ZFHX3: variants seen among roughly 807,000 people sequenced by gnomAD.
ZFHX3 encodes the protein zinc finger homeobox protein 3.
A neutral mutation model predicts 279.1 loss-of-function variants in ZFHX3; 42 were observed. The ratio of observed to expected loss-of-function variants is 0.15; its 90% CI spans 0.12 to 0.19. ZFHX3 has a LOEUF of 0.19. ZFHX3 is among the 10% of genes least tolerant of loss of function. ZFHX3 has a pLI of 1.00. For synonymous variants in ZFHX3, 2,293 were observed against 1,957.8 expected (o/e 1.17, Z -4.52); for missense variants, 4,981 against 4,754.0 (o/e 1.05, Z -1.40).
chr16:73,486,190 C>G (rs1167760339), intron 2 of ZFHX3, among the ~76,000 whole-genome samples: 2 of 152,204 alleles, frequency 1.3e-5, no homozygotes, highest in Non-Finnish European at 2.9e-5. Flanking sequence ...TCAGCTATGA[C>G]AGGAAATATC....
At chr16:73,804,916 GAGGGAGAGGGAGGGAGGGAGA>G (rs1300126238) in intron 1 of ZFHX3, among the ~76,000 whole-genome samples, 3 of 115,822 alleles carry the variant, frequency 2.6e-5, no homozygotes, top group African/African-American at 8.0e-5. Flanking sequence ...GGAGGGAGGG[GAGGGAGAGGGAGGGAGGGAGA>G]GAGGGAGAGG....
At chr16:73,470,927 C>T (rs2018654651) in intron 2 of ZFHX3, among the ~76,000 whole-genome samples, 1 of 152,172 alleles carries the variant, frequency 6.6e-6, no homozygotes, top group Non-Finnish European at 1.5e-5. Flanking sequence ...CCTCAAAGAT[C>T]CATATTCTCA....
chr16:73,393,350 A>C (rs780503433), intron 3 of ZFHX3, among the ~76,000 whole-genome samples: 1 of 152,160 alleles, frequency 6.6e-6, no homozygotes, highest in Non-Finnish European at 1.5e-5. Flanking sequence ...GGCCCATGAC[A>C]TCCCCCATGA....
intron 3 of ZFHX3, among the ~76,000 whole-genome samples, chr16:73,389,885 C>A (rs907243034): frequency 2.6e-5 from 4 of 152,076 alleles, no homozygotes; most frequent in African/African-American, 7.2e-5. Context: ...CACAGTGAAA[C>A]CTCATCTCTA....
chr16:73,585,114 T>C (rs971630092), intron 2 of ZFHX3, among the ~76,000 whole-genome samples: 1 of 152,222 alleles, frequency 6.6e-6, no homozygotes, highest in Non-Finnish European at 1.5e-5. Flanking sequence ...GGATCACTTT[T>C]ACACTCTTGG....
At chr16:73,572,667 C>T (rs1042323657) in intron 2 of ZFHX3, among the ~76,000 whole-genome samples, 2 of 152,166 alleles carry the variant, frequency 1.3e-5, no homozygotes, top group African/African-American at 2.4e-5. Flanking sequence ...AATACCAAAC[C>T]AGAAGCTCGC....
At chr16:73,113,836 C>T (rs2144801457) in intron 7 of ZFHX3, among the ~76,000 whole-genome samples, 1 of 128,158 alleles carries the variant, frequency 7.8e-6, no homozygotes, top group South Asian at 2.5e-4. Flanking sequence ...GCTGTGTCAC[C>T]CAGGCTGGAG....
At chr16:73,295,654 G>A (rs1322986753) in intron 4 of ZFHX3, among the ~76,000 whole-genome samples, 1 of 152,206 alleles carries the variant, frequency 6.6e-6, no homozygotes, top group Non-Finnish European at 1.5e-5. Context: ...GGCACAGATG[G>A]GAAGCTGCTG....
chr16:73,781,816 G>A (rs970755093), intron 1 of ZFHX3, among the ~76,000 whole-genome samples: 3 of 152,040 alleles, frequency 2.0e-5, no homozygotes, highest in Non-Finnish European at 4.4e-5. Flanking sequence ...GTGAAACCCC[G>A]TCTCTACTAA....
chr16:73,810,860 C>A (rs533413734), intron 1 of ZFHX3, among the ~76,000 whole-genome samples: 290 of 152,228 alleles, frequency 1.9e-3, no homozygotes, highest in African/African-American at 6.5e-3. Context: ...TCTCCATGGT[C>A]TTCCAAAGCC....
At chr16:73,025,131 C>T (rs972854501) in intron 1 of ZFHX3, among the ~76,000 whole-genome samples, 2 of 152,176 alleles carry the variant, frequency 1.3e-5, no homozygotes, top group Non-Finnish European at 2.9e-5. Context: ...TCATTTAGCA[C>T]TTGTTGAAAG....
At chr16:73,176,830 G>A (rs547054418) in intron 5 of ZFHX3, among the ~76,000 whole-genome samples, 1 of 151,994 alleles carries the variant, frequency 6.6e-6, no homozygotes, top group East Asian at 1.9e-4. Flanking sequence ...ATGCAATGAT[G>A]TAATAATGAG....
At chr16:73,167,873 T>C (rs1415432359) in intron 5 of ZFHX3, among the ~76,000 whole-genome samples, 1 of 152,220 alleles carries the variant, frequency 6.6e-6, no homozygotes, top group African/African-American at 2.4e-5. Flanking sequence ...TCATCCCCAG[T>C]CTAATGTGAA....
chr16:73,385,504 C>T (rs2016885249), intron 3 of ZFHX3, among the ~76,000 whole-genome samples: 1 of 152,146 alleles, frequency 6.6e-6, no homozygotes, highest in Admixed American at 6.5e-5. Flanking sequence ...GCAACCAGCT[C>T]ATGTCAAAAC....
At chr16:73,040,817 A>C (rs1770667938) in intron 1 of ZFHX3, among the ~76,000 whole-genome samples, 1 of 152,224 alleles carries the variant, frequency 6.6e-6, no homozygotes, top group Non-Finnish European at 1.5e-5. Context: ...AGTGGTATGA[A>C]GCCCTGATTC....
chr16:73,016,683 T>C (rs142269668), intron 1 of ZFHX3, among the ~76,000 whole-genome samples: 17 of 152,096 alleles, frequency 1.1e-4, no homozygotes, highest in African/African-American at 3.6e-4. Flanking sequence ...TACACCAGAG[T>C]TGACTCCAGT....
Position 72,958,347 on chromosome 16 carries a change from G to A in ZFHX3, c.1799C>T (p.Ala600Val), listed in dbSNP as rs2144441572. The change falls in exon 2 of 10, where the codon GCC becomes GTC. Residue 600 changes from alanine to valine, a missense_variant. Coordinates refer to ENST00000268489, the MANE Select transcript of ZFHX3 (RefSeq NM_006885.4). ...FADESANKDN[A>V]TAPEPNESTE... ...GCTTTCATTTGGTTCTGGTGCTGTG[G>A]CATTGTCTTTATTGGCACTTTCGTC... is the stretch of plus-strand genomic sequence containing the variant. 6.2e-7 allele frequency: 1 copy of A among 1,614,090 alleles called. No homozygotes were observed. Among genetic ancestry groups the A allele is most frequent in the Non-Finnish European group, 8.5e-7 (1 of 1,179,950 alleles).
chr16:73,327,686 G>A (rs922452438), intron 3 of ZFHX3, among the ~76,000 whole-genome samples: 3 of 152,250 alleles, frequency 2.0e-5, no homozygotes, highest in Non-Finnish European at 2.9e-5. Flanking sequence ...CCAACTTTAT[G>A]TCAAGAAGCT....
chr16:73,342,368 C>A (rs990737512), intron 3 of ZFHX3, among the ~76,000 whole-genome samples: 2 of 152,158 alleles, frequency 1.3e-5, no homozygotes, highest in Non-Finnish European at 2.9e-5. Context: ...AATACATATT[C>A]ACATGGCTAC....
Sources: allele counts gnomAD v4.1 joint callset (sites outside exome capture counted in the v4.1 genomes callset), GRCh38; gene constraint gnomAD v4.1.1; transcripts MANE v1.5; gene names NCBI Gene and HGNC (gene_info 2026-07-23, HGNC 2026-07-21).